BIRC6: variants seen among roughly 807,000 people sequenced by gnomAD.
BIRC6 encodes dual E2 ubiquitin-conjugating enzyme/E3 ubiquitin-protein ligase BIRC6.
In BIRC6, 98 loss-of-function variants were observed where a neutral mutation model predicts 503.3. That is an observed-to-expected ratio of 0.19 (90% CI 0.17 to 0.23). The LOEUF (loss-of-function observed/expected upper bound fraction) is 0.23, where lower values mean the gene tolerates loss of function less well. Among genes scored for constraint, BIRC6 ranks in the 10% least tolerant of loss-of-function variants. BIRC6 has a pLI of 1.00. For synonymous variants in BIRC6, 2,240 were observed against 2,078.7 expected (o/e 1.08, Z -2.11); for missense variants, 5,360 against 5,806.0 (o/e 0.92, Z 2.50).
At chr2:32,406,885 T>C (rs1375143310) in intron 9 of BIRC6, among the ~76,000 whole-genome samples, 1 of 152,242 alleles carries the variant, frequency 6.6e-6, no homozygotes, top group African/African-American at 2.4e-5. Context: ...TAAAGCTCTT[T>C]ATTCATGTAG....
In BIRC6 at chr2:32,479,554, C is replaced by G. The variant is rs1391267967; in HGVS notation, c.7345C>G (p.Leu2449Val). Reference sequence around the variant, plus strand: ...GACAGCTGGTGACTCTGATGACTCCCTTCAACAGTCCTCAGTTCAGTTGCT... The same window carrying G: ...GACAGCTGGTGACTCTGATGACTCCGTTCAACAGTCCTCAGTTCAGTTGCT... ...GATAGDSDDS[L>V]QQSSVQLLET... The change falls in exon 37 of 74, where the codon CTT becomes GTT. Residue 2449 changes from leucine to valine, a missense_variant. Physicochemically the swap from Leu to Val is conservative, Grantham distance 32. Coordinates refer to ENST00000421745, the MANE Select transcript of BIRC6 (RefSeq NM_016252.4). 4 of 1,608,740 alleles carry G rather than the reference C, an allele frequency of 2.5e-6. No homozygotes were observed. Among genetic ancestry groups the G allele is most frequent in the Admixed American group, 1.7e-5 (1 of 59,452 alleles).
chr2:32,406,247 G>T (rs1190385220), intron 8 of BIRC6, among the ~76,000 whole-genome samples: 5 of 152,000 alleles, frequency 3.3e-5, no homozygotes, highest in Non-Finnish European at 5.9e-5. Context: ...AAAGAAAAAA[G>T]TAGCTGGGCA....
intron 53 of BIRC6, among the ~76,000 whole-genome samples, chr2:32,512,486 G>A (rs1390852325): frequency 6.6e-6 from 1 of 151,994 alleles, no homozygotes; most frequent in Non-Finnish European, 1.5e-5. Flanking sequence ...ACTATGCAGA[G>A]AAAATAAATT....
Position 32,515,355 on chromosome 2 carries a change from G to A in BIRC6, c.10934G>A (p.Ser3645Asn), listed in dbSNP as rs1333398775. ...LVRSLASFCF[S>N]HISSSESIAQ... ...AGGAGTCTGGCTAGTTTCTGCTTTA[G>A]CCACATTTCTAGCTCAGAAAGCATT... The change falls in exon 55 of 74, where the codon AGC becomes AAC. Residue 3645 changes from serine to asparagine, a missense_variant. Ser to Asn is a conservative substitution (Grantham distance 46). Transcript: ENST00000421745. 1 of 1,613,660 alleles carries A rather than the reference G, an allele frequency of 6.2e-7. No homozygotes were observed. Among genetic ancestry groups the A allele is most frequent in the South Asian group, 1.1e-5 (1 of 91,086 alleles).
intron 61 of BIRC6, among the ~76,000 whole-genome samples, chr2:32,534,374 C>CAAAAA (rs200134446): frequency 1.1e-5 from 1 of 92,598 alleles, no homozygotes. Flanking sequence ...AATTCCATCT[C>CAAAAA]AAAAAAAAAA....
intron 39 of BIRC6, among the ~76,000 whole-genome samples, chr2:32,482,791 G>T (rs2149215317): frequency 6.6e-6 from 1 of 152,188 alleles, no homozygotes; most frequent in African/African-American, 2.4e-5. Context: ...ATAACACCTA[G>T]CAAGTGTTGT....
intron 20 of BIRC6, among the ~76,000 whole-genome samples, chr2:32,444,417 T>G (rs2045748328): frequency 6.6e-6 from 1 of 152,168 alleles, no homozygotes; most frequent in Non-Finnish European, 1.5e-5. Context: ...AGTTATCAAG[T>G]AGGAATTCAT....
intron 45 of BIRC6, among the ~76,000 whole-genome samples, chr2:32,494,984 A>G (rs191287913): frequency 6.6e-6 from 1 of 152,328 alleles, no homozygotes; most frequent in East Asian, 1.9e-4. Flanking sequence ...TTTTATTCAA[A>G]TAAACAGTAT....
intron 1 of BIRC6, among the ~76,000 whole-genome samples, chr2:32,365,522 T>C (rs867522209): frequency 3.9e-5 from 6 of 152,290 alleles, no homozygotes; most frequent in Middle Eastern, 3.4e-3. Flanking sequence ...GGTTTCACAA[T>C]GTTGGCCAGG....
intron 40 of BIRC6, among the ~76,000 whole-genome samples, chr2:32,487,322 A>C (rs971631030): frequency 4.6e-5 from 7 of 152,334 alleles, no homozygotes; most frequent in Middle Eastern, 3.4e-3. Context: ...ATAATTAGTC[A>C]GGAGTCTTAT....
In BIRC6 at chr2:32,476,277, A is replaced by G. The variant is rs1448191840; in HGVS notation, c.6785A>G (p.Gln2262Arg). The change falls in exon 34 of 74, where the codon CAA becomes CGA. Residue 2262 changes from glutamine to arginine, a missense_variant. Gln to Arg is a conservative substitution (Grantham distance 43). Coordinates refer to ENST00000421745, the MANE Select transcript of BIRC6 (RefSeq NM_016252.4). ...GAACAGATGGAAAAAGAAAAAATAC[A>G]AAGTAACAAAGGATCATCATATAAA... The part of the protein sequence containing the change: ...LVEQMEKEKI[Q>R]SNKGSSYKLL... The G allele has an allele frequency of 1.9e-6, 3 of 1,562,076 alleles. No homozygotes were observed. Among genetic ancestry groups the G allele is most frequent in the African/African-American group, 2.7e-5 (2 of 73,778 alleles).
chr2:32,550,036 A>G (rs990399303), intron 65 of BIRC6, among the ~76,000 whole-genome samples: 2 of 152,194 alleles, frequency 1.3e-5, no homozygotes, highest in Non-Finnish European at 2.9e-5. Context: ...TATCTAAGAA[A>G]TGTGTTCTTT....
Position 32,510,595 on chromosome 2 carries a change from A to T in BIRC6, c.10307A>T (p.Tyr3436Phe), listed in dbSNP as rs2054289184. The part of the protein sequence containing the change: ...LSSDSTIDIL[Y>F]QLGTTQDPGT... ...TCTGACTCTACGATAGATATTCTTT[A>T]CCAGCTTGGAACAACTCAGGATCCT... The change falls in exon 53 of 74, where the codon TAC (tyrosine) becomes TTC (phenylalanine). Residue 3436 changes from tyrosine (Y) to phenylalanine (F), a missense_variant. By Grantham distance (22) the Tyr-to-Phe change is conservative. This residue lies in a region of BIRC6 where 878 missense variants were observed against 928.9 expected (regional missense o/e 0.95). Transcript: ENST00000421745. The T allele has an allele frequency of 1.9e-6, 3 of 1,609,392 alleles. No individual in the cohort carries two copies. Among genetic ancestry groups the T allele is most frequent in the African/African-American group, 2.7e-5 (2 of 74,830 alleles).
intron 73 of BIRC6, among the ~76,000 whole-genome samples, chr2:32,616,028 G>T (rs2063211814): frequency 6.6e-6 from 1 of 152,060 alleles, no homozygotes; most frequent in South Asian, 2.1e-4. Context: ...TAGACAACCA[G>T]CCACTCCCAA....
chr2:32,552,617 C>T (rs946814537), intron 65 of BIRC6, among the ~76,000 whole-genome samples: 5 of 152,202 alleles, frequency 3.3e-5, no homozygotes, highest in East Asian at 1.9e-4. Flanking sequence ...ACTGAGACAC[C>T]GATCCTATTC....
chr2:32,484,550 CA>C (rs1251134880), intron 39 of BIRC6, among the ~76,000 whole-genome samples: 1,220 of 69,608 alleles, frequency 0.018, 6 homozygotes, highest in Middle Eastern at 0.032. Context: ...AACTCCAACT[CA>C]AAAAAAAAAA....
At chr2:32,496,271 G>A (rs1430933941) in intron 45 of BIRC6, among the ~76,000 whole-genome samples, 6 of 151,478 alleles carry the variant, frequency 4.0e-5, no homozygotes, top group Non-Finnish European at 8.8e-5. Flanking sequence ...TGTCGCCCAG[G>A]ATGGAGTGCT....
chr2:32,546,113 A>G (rs564210911), intron 63 of BIRC6, among the ~76,000 whole-genome samples: 1 of 152,324 alleles, frequency 6.6e-6, no homozygotes, highest in South Asian at 2.1e-4. Context: ...ATTTACCAAG[A>G]TACACTGAAT....
At position 32,428,993 on chromosome 2, in the gene BIRC6, A is replaced by G; in HGVS notation, c.2873-153A>G. On this transcript the variant is annotated intron_variant, in intron 10 of 73. Coordinates refer to ENST00000421745, the MANE Select transcript of BIRC6 (RefSeq NM_016252.4). ...GGTTTCAATTTGTAATTCCTTGGCA[A>G]TTAAATTTCTAAACTCTTGGAAATA... is the stretch of plus-strand genomic sequence containing the variant. Among the ~76,000 whole-genome samples the G allele has an allele frequency of 3.9e-5, 6 of 152,304 alleles. 1 individual carries two copies. The highest frequency in any genetic ancestry group is 3.9e-4 in the Admixed American group (6 of 15,280).
Sources: allele counts gnomAD v4.1 joint callset (sites outside exome capture counted in the v4.1 genomes callset), GRCh38; gene constraint gnomAD v4.1.1; regional missense constraint gnomAD v4.1.1; transcripts MANE v1.5; gene names NCBI Gene and HGNC (gene_info 2026-07-23, HGNC 2026-07-21).